The following EPB41 variants were observed in gnomAD, a reference collection of about 807,000 sequenced individuals.
EPB41 encodes the protein erythrocyte membrane protein band 4.1, also known as protein 4.1.
EPB41 carries 65 observed loss-of-function variants against 108.0 expected under a neutral mutation model. The ratio of observed to expected loss-of-function variants is 0.60; its 90% CI spans 0.49 to 0.74. The LOEUF is 0.74. Among genes scored for constraint, EPB41 ranks in the 30% least tolerant of loss-of-function variants. The pLI is 0.00. For synonymous variants in EPB41, 336 were observed against 358.9 expected, an observed-to-expected ratio of 0.94 and a Z score of 0.72; for missense variants, 875 against 1,037.0, an observed-to-expected ratio of 0.84 and a Z score of 2.15.
intron 11 of EPB41, among the ~76,000 whole-genome samples, chr1:29,048,592 CAACTT>C (rs1643939073): frequency 6.6e-6 from 1 of 152,186 alleles, no homozygotes; most frequent in South Asian, 2.1e-4. Flanking sequence ...TTATTTCTTA[CAACTT>C]AACCTTAGAA....
rs1310110508 is a variant in EPB41 at position 29,018,484 on chromosome 1, ATTAGT to A, written c.1124+46_1124+50del. 3 of 1,472,310 alleles carry A rather than the reference ATTAGT, an allele frequency of 2.0e-6. No homozygotes were observed. Among genetic ancestry groups the A allele is most frequent in the Non-Finnish European group, 2.7e-6 (3 of 1,113,278 alleles). 91.2% of individuals were successfully genotyped at this position (1,472,310 alleles called of 1,614,324 possible). A position where few individuals can be genotyped will look rare whatever the true frequency, so the allele number is the denominator to read the frequency against. On this transcript the variant is annotated intron_variant, in intron 7 of 20. Transcript: ENST00000343067. This position sits in a 1 kb window ranked among gnomAD's most constrained non-coding sequence, Gnocchi z 4.4. Reference sequence around the variant, plus strand: ...GGTTTGTTCGGTGTTTGTTTTGGCGATTAGTTTAAACACAACATGGTATTGGTTCA... The same window carrying A: ...GGTTTGTTCGGTGTTTGTTTTGGCGATTAAACACAACATGGTATTGGTTCA...
chr1:28,913,514 G>C (rs191864078), upstream of EPB41, among the ~76,000 whole-genome samples: 1 of 152,174 alleles, frequency 6.6e-6, no homozygotes, highest in African/African-American at 2.4e-5. Context: ...ATTGAACCCA[G>C]GCAATCTGTT....
intron 1 of EPB41, among the ~76,000 whole-genome samples, chr1:28,979,374 T>C (rs889220756): frequency 2.0e-5 from 3 of 151,402 alleles, no homozygotes; most frequent in African/African-American, 4.9e-5. Flanking sequence ...GAATTGAAAA[T>C]GCATGCGAAA....
chr1:28,927,135 G>A (rs1267211218), intron 1 of EPB41, among the ~76,000 whole-genome samples: 1 of 152,164 alleles, frequency 6.6e-6, no homozygotes, highest in African/African-American at 2.4e-5. Context: ...TTTGAAAGGG[G>A]AACTTGTACA....
intron 11 of EPB41, among the ~76,000 whole-genome samples, chr1:29,051,105 T>G (rs1573125282): frequency 1.6e-5 from 2 of 121,606 alleles, no homozygotes; most frequent in Non-Finnish European, 1.7e-5. Context: ...TTTTTTTTTT[T>G]TTTTTTTTTT....
intron 12 of EPB41, chr1:29,054,469 T>C (rs1645014882): frequency 1.3e-5 from 2 of 151,748 alleles, no homozygotes. Context: ...CCTTGTTCTT[T>C]TGGAGCCAGA....
chr1:28,903,012 A>G (rs2091452899), intron 1 of EPB41, among the ~76,000 whole-genome samples: 1 of 152,206 alleles, frequency 6.6e-6, no homozygotes, highest in Admixed American at 6.5e-5. Flanking sequence ...GACACTGGGC[A>G]AATCACTTCA....
At chr1:29,056,583 T>C (rs1472220012) in intron 12 of EPB41, among the ~76,000 whole-genome samples, 1 of 151,956 alleles carries the variant, frequency 6.6e-6, no homozygotes, top group Non-Finnish European at 1.5e-5. Flanking sequence ...TGGAGTGCAA[T>C]GGTGCGATCT....
chr1:28,940,253 T>C (rs565468697), intron 1 of EPB41, among the ~76,000 whole-genome samples: 44 of 152,372 alleles, frequency 2.9e-4, no homozygotes, highest in African/African-American at 1.1e-3. Flanking sequence ...AGTGCCTTGA[T>C]TAAACTTAGA....
At chr1:29,081,530 G>T (rs1656604005) in intron 16 of EPB41, among the ~76,000 whole-genome samples, 1 of 152,044 alleles carries the variant, frequency 6.6e-6, no homozygotes, top group Non-Finnish European at 1.5e-5. Flanking sequence ...TATTATTCAG[G>T]TGATTATTTC....
intron 4 of EPB41, among the ~76,000 whole-genome samples, chr1:28,997,997 C>T (rs749905594): frequency 1.5e-4 from 23 of 151,988 alleles, no homozygotes; most frequent in Non-Finnish European, 2.5e-4. Context: ...AGCTTTAGTC[C>T]AGTTTAACAA....
At chr1:29,082,899 A>T (rs370301831) in intron 16 of EPB41, among the ~76,000 whole-genome samples, 6 of 152,316 alleles carry the variant, frequency 3.9e-5, no homozygotes, top group African/African-American at 1.4e-4. Context: ...AATTATAAAA[A>T]CAATGTTTGA....
intron 20 of EPB41, among the ~76,000 whole-genome samples, chr1:29,116,009 A>G (rs1010654793): frequency 1.3e-5 from 2 of 152,168 alleles, no homozygotes; most frequent in Non-Finnish European, 1.5e-5. Flanking sequence ...CAGTGCCAGC[A>G]TTATTGGGTA....
intron 2 of EPB41, 66 bp downstream of exon 2, chr1:28,987,971 A>G: frequency 6.4e-7 from 1 of 1,561,014 alleles, no homozygotes; most frequent in Non-Finnish European, 8.8e-7. Flanking sequence ...TTTTCATTTA[A>G]GAGTATTTGG....
chr1:28,919,453 T>C (rs914806118), intron 1 of EPB41, among the ~76,000 whole-genome samples: 27 of 152,070 alleles, frequency 1.8e-4, no homozygotes, highest in Admixed American at 4.6e-4. Context: ...TTGCTATCCT[T>C]AAAAGTCCTT....
intron 16 of EPB41, among the ~76,000 whole-genome samples, chr1:29,074,941 A>G (rs1052934149): frequency 2.0e-5 from 3 of 151,870 alleles, no homozygotes; most frequent in Non-Finnish European, 2.9e-5. Context: ...GGCGGATCAC[A>G]AGGTCAGGAG....
chr1:29,111,804 C>T (rs1669257622), intron 18 of EPB41, among the ~76,000 whole-genome samples: 1 of 151,814 alleles, frequency 6.6e-6, no homozygotes, highest in Admixed American at 6.6e-5. Context: ...TAGTGAAACC[C>T]CATCTCTACT....
At chr1:29,007,374 C>T (rs564454428) in intron 4 of EPB41, among the ~76,000 whole-genome samples, 2 of 152,244 alleles carry the variant, frequency 1.3e-5, no homozygotes, top group South Asian at 2.1e-4. Context: ...TACATCTCAC[C>T]GTAAACATTT....
chr1:29,033,730 A>G (rs1638326907), intron 9 of EPB41, among the ~76,000 whole-genome samples: 1 of 152,176 alleles, frequency 6.6e-6, no homozygotes, highest in African/African-American at 2.4e-5. Context: ...TGTACCAGTT[A>G]ATTCATTTAT....
Sources: allele counts gnomAD v4.1 joint callset (sites outside exome capture counted in the v4.1 genomes callset), GRCh38; gene constraint gnomAD v4.1.1; non-coding constraint Gnocchi (gnomAD v3.1); transcripts MANE v1.5; gene names NCBI Gene and HGNC (gene_info 2026-07-23, HGNC 2026-07-21).